Variants in LRMDA observed in about 807,000 individuals in gnomAD.
LRMDA encodes leucine-rich melanocyte differentiation-associated protein.
A neutral mutation model predicts 29.8 loss-of-function variants in LRMDA; 18 were observed. The observed-to-expected ratio is 0.60, with a 90% CI of 0.42 to 0.90. The LOEUF (loss-of-function observed/expected upper bound fraction) is 0.90. Among genes scored for constraint, LRMDA ranks in the 40% least tolerant of loss-of-function variants. LRMDA has a pLI of 0.00. For synonymous variants in LRMDA, 125 were observed against 109.4 expected (o/e 1.14, Z -0.89); for missense variants, 273 against 273.9 (o/e 1.00, Z 0.02).
At chr10:76,295,358 G>T (rs892753992) in intron 5 of LRMDA, among the ~76,000 whole-genome samples, 7 of 152,176 alleles carry the variant, frequency 4.6e-5, no homozygotes, top group Non-Finnish European at 1.5e-5. Context: ...AACCTTGCAG[G>T]ATGCAAGGAC....
At chr10:75,814,389 A>G (rs955157) in intron 2 of LRMDA, among the ~76,000 whole-genome samples, 57,845 of 151,964 alleles carry the variant, frequency 0.38, 12,949 homozygotes, top group South Asian at 0.52. Flanking sequence ...TCCTTTCTGG[A>G]ATTTATTAGT....
chr10:75,834,206 A>G (rs1483716705), intron 2 of LRMDA, among the ~76,000 whole-genome samples: 1 of 152,180 alleles, frequency 6.6e-6, no homozygotes, highest in Non-Finnish European at 1.5e-5. Flanking sequence ...AATGTATGTC[A>G]TGGGGATTCA....
At chr10:76,489,929 C>G (rs564385815) in intron 6 of LRMDA, among the ~76,000 whole-genome samples, 4 of 152,036 alleles carry the variant, frequency 2.6e-5, no homozygotes, top group African/African-American at 7.2e-5. Context: ...TTTCCTGAGG[C>G]CTCCTCAGCC....
intron 2 of LRMDA, among the ~76,000 whole-genome samples, chr10:75,937,165 A>G (rs1193106781): frequency 6.6e-6 from 1 of 152,190 alleles, no homozygotes; most frequent in African/African-American, 2.4e-5. Context: ...GCTTCAGACA[A>G]CGTTTGAACT....
intron 2 of LRMDA, among the ~76,000 whole-genome samples, chr10:75,510,952 G>A (rs540704955): frequency 6.6e-6 from 1 of 152,280 alleles, no homozygotes; most frequent in African/African-American, 2.4e-5. Context: ...AAACAAGGCA[G>A]TTGACATGGT....
chr10:75,890,677 T>C (rs959900546), intron 2 of LRMDA, among the ~76,000 whole-genome samples: 2 of 152,174 alleles, frequency 1.3e-5, no homozygotes, highest in Non-Finnish European at 2.9e-5. Flanking sequence ...GCAACAAGAT[T>C]GACTTGGTAC....
chr10:75,650,417 G>T lies in LRMDA; in HGVS notation c.131+211923G>T, dbSNP rs549040540. 2.0e-5 allele frequency among the ~76,000 whole-genome samples: 3 copies of T among 152,130 alleles called. No individual in the cohort carries two copies. The East Asian group carries it at 5.8e-4, about 29-fold the overall frequency. ...CAAAATCATTTGACCATCTATGCAAGAGTTATTTCTAGGTTCTCTATTCTT... is the reference window on the plus strand; with the variant it reads ...CAAAATCATTTGACCATCTATGCAATAGTTATTTCTAGGTTCTCTATTCTT... On this transcript the variant is annotated intron_variant, in intron 2 of 6. Coordinates refer to ENST00000611255, the MANE Select transcript of LRMDA (RefSeq NM_001305581.2).
rs143978777 is a variant in LRMDA at position 75,689,484 on chromosome 10, C to G, written c.131+250990C>G. Among the ~76,000 whole-genome samples the G allele has an allele frequency of 8.0e-3, 1,221 of 152,240 alleles. 14 individuals carry two copies. The highest frequency in any genetic ancestry group is 0.028 in the African/African-American group (1,169 of 41,536). On this transcript the variant is annotated intron_variant, in intron 2 of 6. Coordinates refer to ENST00000611255, the MANE Select transcript of LRMDA (RefSeq NM_001305581.2). ...CATGCATGTGAGTCGTAAGGGGATC[C>G]CTGAAATACTTGTCCCACAATTGTT... is the stretch of plus-strand genomic sequence containing the variant.
At chr10:75,930,486 A>T (rs1014609767) in intron 2 of LRMDA, among the ~76,000 whole-genome samples, 6 of 152,154 alleles carry the variant, frequency 3.9e-5, no homozygotes, top group African/African-American at 9.7e-5. Context: ...CAACTCCTAG[A>T]TCTATAACTC....
rs1247462700 is a variant in LRMDA at position 75,853,824 on chromosome 10, C to T, written c.132-182184C>T. ...CTGGACATCCCCAGAACTGCCTATCCCAGCTACTGGGCCTCCCCAACTCTT... is the reference window on the plus strand; with the variant it reads ...CTGGACATCCCCAGAACTGCCTATCTCAGCTACTGGGCCTCCCCAACTCTT... On this transcript the variant is annotated intron_variant, in intron 2 of 6. Transcript: ENST00000611255. 3.3e-5 allele frequency among the ~76,000 whole-genome samples: 5 copies of T among 152,156 alleles called. No individual in the cohort carries two copies. In the East Asian group the frequency reaches 9.6e-4, roughly 29 times the overall value.
At chr10:76,084,355 G>A (rs1036539376) in intron 5 of LRMDA, among the ~76,000 whole-genome samples, 2 of 140,902 alleles carry the variant, frequency 1.4e-5, no homozygotes, top group Admixed American at 7.2e-5. Context: ...GTGCCACTGC[G>A]CCCAGCTAAT....
intron 2 of LRMDA, among the ~76,000 whole-genome samples, chr10:75,853,654 A>T (rs138599467): frequency 1.3e-5 from 2 of 152,354 alleles, no homozygotes; most frequent in African/African-American, 4.8e-5. Context: ...GTCATGAAGT[A>T]GAAAGGAGCA....
chr10:76,361,822 G>T (rs1286664457), intron 6 of LRMDA, among the ~76,000 whole-genome samples: 3 of 152,154 alleles, frequency 2.0e-5, no homozygotes, highest in African/African-American at 4.8e-5. Context: ...CTGACAGGAC[G>T]TGGCTGAGGA....
At chr10:75,773,636 T>C (rs1371931087) in intron 2 of LRMDA, among the ~76,000 whole-genome samples, 1 of 152,216 alleles carries the variant, frequency 6.6e-6, no homozygotes, top group Non-Finnish European at 1.5e-5. Flanking sequence ...CACTCACTCA[T>C]TTCAGCTCAC....
intron 2 of LRMDA, among the ~76,000 whole-genome samples, chr10:75,691,150 ATATACATAGATATATAGATCTATATATC>A (rs1842148188): frequency 1.0e-5 from 1 of 100,122 alleles, no homozygotes; most frequent in African/African-American, 7.3e-5. Context: ...CTATATATCT[ATATACATAGATATATAGATCTATATATC>A]TATGTACATA....
At chr10:75,712,852 G>A (rs547425658) in intron 2 of LRMDA, among the ~76,000 whole-genome samples, 160 of 148,846 alleles carry the variant, frequency 1.1e-3, no homozygotes, top group African/African-American at 3.9e-3. Flanking sequence ...TTCAAACTGA[G>A]CGGCTGATTA....
chr10:76,363,686 T>G (rs945561227), intron 6 of LRMDA, among the ~76,000 whole-genome samples: 2 of 152,132 alleles, frequency 1.3e-5, no homozygotes, highest in Admixed American at 6.5e-5. Context: ...TCTTTCTTTT[T>G]CCTTTCTAGT....
intron 6 of LRMDA, among the ~76,000 whole-genome samples, chr10:76,483,724 TAA>T (rs755947041): frequency 1.3e-4 from 17 of 128,630 alleles, no homozygotes; most frequent in Admixed American, 2.4e-4. Context: ...AAGAAACCAT[TAA>T]AAAAAAAAAA....
intron 5 of LRMDA, among the ~76,000 whole-genome samples, chr10:76,322,320 G>A (rs1349835904): frequency 6.6e-6 from 1 of 151,710 alleles, no homozygotes; most frequent in Non-Finnish European, 1.5e-5. Flanking sequence ...AAGTCAAAGA[G>A]CTGGTAGTTG....
Sources: gnomAD v4.1 joint callset for allele counts (sites outside exome capture counted in the v4.1 genomes callset) on GRCh38, gnomAD v4.1.1 for gene constraint, MANE v1.5 for transcripts, NCBI Gene and HGNC (gene_info 2026-07-23, HGNC 2026-07-21) for gene names.